Variants in PLCE1 observed in about 807,000 individuals in gnomAD.
The protein encoded by PLCE1 is phospholipase C epsilon 1.
PLCE1 carries 119 observed loss-of-function variants against 242.8 expected under a neutral mutation model. The ratio of observed to expected loss-of-function variants is 0.49; its 90% CI spans 0.42 to 0.57. The LOEUF is 0.57. Ranked by LOEUF, PLCE1 falls within the 20% of genes least tolerant of loss-of-function variation. The pLI is 0.00. For synonymous variants in PLCE1, 945 were observed against 1,017.4 expected, an observed-to-expected ratio of 0.93 and a Z score of 1.35; for missense variants, 2,441 against 2,788.8, an observed-to-expected ratio of 0.88 and a Z score of 2.81.
chr10:94,325,860 G>C (rs751597245), intron 32 of PLCE1, among the ~76,000 whole-genome samples: 8 of 152,084 alleles, frequency 5.3e-5, no homozygotes, highest in Admixed American at 4.6e-4. Flanking sequence ...TAGGTTTGAT[G>C]TAGCTTCAAC....
In PLCE1 at chr10:94,186,133, T is replaced by C. The variant is rs76809757; in HGVS notation, c.1809+14637T>C. On this transcript the variant is annotated intron_variant, in intron 4 of 32. Coordinates refer to ENST00000371380, the MANE Select transcript of PLCE1 (RefSeq NM_016341.4). The stretch of plus-strand genomic sequence containing the variant: ...TCCTTTGGTTTGGTTCTCTTGAGGC[T>C]GGACATTCCCCATATCTTCAGAACT... Among the ~76,000 whole-genome samples the C allele has an allele frequency of 4.2e-3, 635 of 152,372 alleles. 5 individuals carry two copies. The highest frequency in any genetic ancestry group is 0.013 in the African/African-American group (549 of 41,580).
intron 2 of PLCE1, among the ~76,000 whole-genome samples, chr10:94,113,926 A>G (rs958756091): frequency 6.6e-6 from 1 of 152,204 alleles, no homozygotes; most frequent in Non-Finnish European, 1.5e-5. Context: ...GTTGAAGATA[A>G]TTGAATCAAA....
At chr10:94,074,674 T>G (rs1247908543) in intron 2 of PLCE1, among the ~76,000 whole-genome samples, 1 of 152,246 alleles carries the variant, frequency 6.6e-6, no homozygotes, top group Non-Finnish European at 1.5e-5. Flanking sequence ...ATTACTCAAA[T>G]GCTTTACGAT....
At chr10:94,220,911 G>A (rs1210927412) in intron 4 of PLCE1, among the ~76,000 whole-genome samples, 1 of 152,130 alleles carries the variant, frequency 6.6e-6, no homozygotes, top group Non-Finnish European at 1.5e-5. Flanking sequence ...CTCCAGCGCC[G>A]GGCTCCGCCA....
In PLCE1 at chr10:94,298,588, C is replaced by T. The variant is rs1245949386; in HGVS notation, c.5377C>T (p.Arg1793Cys). The T allele has an allele frequency of 3.1e-6, 5 of 1,614,106 alleles. No individual in the cohort carries two copies. Among genetic ancestry groups the T allele is most frequent in the African/African-American group, 2.7e-5 (2 of 75,028 alleles). ...QLLRTYPAATRIDSSNPNPLM... is the reference protein window; with the variant it reads ...QLLRTYPAATCIDSSNPNPLM... Reference sequence around the variant, plus strand: ...GCTGAGAACTTACCCTGCTGCCACCCGCATCGACTCTTCCAACCCGAACCC... The same window carrying T: ...GCTGAGAACTTACCCTGCTGCCACCTGCATCGACTCTTCCAACCCGAACCC... The change falls in exon 24 of 33, where the codon CGC becomes TGC. Residue 1793 changes from arginine (R) to cysteine (C), a missense_variant. Physicochemically the swap from Arg to Cys is radical, Grantham distance 180. Around this residue, in one of 5 missense-constraint regions of PLCE1, gnomAD observed 1,004 missense variants for 1,322.7 expected, o/e 0.76. Transcript: ENST00000371380. This position sits in a 1 kb window ranked among gnomAD's most constrained non-coding sequence, Gnocchi z 5.2.
rs539757186 is a variant in PLCE1, at chr10:94,202,612, C to T, written c.1810-24694C>T. ...TTCCCCCATTATTACTCTCTAGAGG[C>T]GCGTTATCACGTTGTTTGCTCAGTT... On this transcript the variant is annotated intron_variant, in intron 4 of 32. Coordinates refer to ENST00000371380, the MANE Select transcript of PLCE1 (RefSeq NM_016341.4). 6.6e-5 allele frequency among the ~76,000 whole-genome samples: 10 copies of T among 152,266 alleles called. No individual in the cohort carries two copies. In the South Asian group the frequency reaches 1.2e-3, roughly 19 times the overall value.
Position 94,031,578 on chromosome 10 carries a change from GCA to G in PLCE1, c.536_537del (p.His179ProfsTer2), listed in dbSNP as rs1330446046. 1 of 1,612,458 alleles carries G rather than the reference GCA, an allele frequency of 6.2e-7. No individual in the cohort carries two copies. The highest frequency in any genetic ancestry group is 1.7e-5 in the Admixed American group (1 of 59,984). On this transcript the variant is annotated frameshift_variant, in exon 2 of 33. Coordinates refer to ENST00000371380, the MANE Select transcript of PLCE1 (RefSeq NM_016341.4). LOFTEE classifies it high-confidence loss of function. Reference sequence around the variant, plus strand: ...GTCAGTGATCATAGAGACAGGCAGAGCACACCCTGACAGCAGAAGGGCAGTAT... The same window carrying G: ...GTCAGTGATCATAGAGACAGGCAGAGCACCCTGACAGCAGAAGGGCAGTAT... ...NQSVIIETGR[A>X]HPDSRRAVFH...
At chr10:94,295,807 G>A (rs1367198334) in intron 23 of PLCE1, among the ~76,000 whole-genome samples, 1 of 152,184 alleles carries the variant, frequency 6.6e-6, no homozygotes, top group African/African-American at 2.4e-5. Context: ...AAATCATGCT[G>A]TAAACAGATG....
rs190539799 is a variant in PLCE1, at chr10:94,089,863, T to A, written c.1207-42311T>A. ...GTGATTATAATACTAGTAAGGAATA[T>A]CCTGAAGTAGTTATAGTTTTTTTTC... On this transcript the variant is annotated intron_variant, in intron 2 of 32. Coordinates refer to ENST00000371380, the MANE Select transcript of PLCE1 (RefSeq NM_016341.4). Among the ~76,000 whole-genome samples the A allele has an allele frequency of 8.5e-4, 129 of 152,352 alleles. 1 individual carries two copies. Among genetic ancestry groups the A allele is most frequent in the African/African-American group, 3.0e-3 (123 of 41,594 alleles).
chr10:94,309,629 G>A (rs908148803), intron 27 of PLCE1, among the ~76,000 whole-genome samples: 3 of 152,066 alleles, frequency 2.0e-5, no homozygotes, highest in African/African-American at 7.2e-5. Context: ...ATGAGCTACC[G>A]CACCTGGCCA....
intron 2 of PLCE1, among the ~76,000 whole-genome samples, chr10:94,076,128 C>A (rs866953115): frequency 6.8e-6 from 1 of 146,832 alleles, no homozygotes; most frequent in South Asian, 2.1e-4. Flanking sequence ...TGTGTGTGTG[C>A]GTGCGTGTGT....
intron 7 of PLCE1, among the ~76,000 whole-genome samples, chr10:94,240,697 A>G (rs148482877): frequency 2.0e-5 from 3 of 152,284 alleles, no homozygotes; most frequent in Non-Finnish European, 4.4e-5. Context: ...TGATCACCCA[A>G]TGTAAAATTT....
intron 3 of PLCE1, among the ~76,000 whole-genome samples, chr10:94,161,645 A>G (rs1002944523): frequency 3.3e-5 from 5 of 152,024 alleles, no homozygotes; most frequent in African/African-American, 1.2e-4. Flanking sequence ...AATACCCTTT[A>G]TTTCCTTCTC....
chr10:94,124,404 A>G (rs2046383856), intron 2 of PLCE1, among the ~76,000 whole-genome samples: 1 of 151,642 alleles, frequency 6.6e-6, no homozygotes. Context: ...AAAAAGAAAG[A>G]AAGAAAGAAA....
chr10:93,994,975 T>C (rs3814689), intron 1 of PLCE1, among the ~76,000 whole-genome samples: 31,783 of 152,256 alleles, frequency 0.21, 3,959 homozygotes, highest in Non-Finnish European at 0.27. Context: ...AAGGTCATAA[T>C]TTCAGTTGCA....
intron 1 of PLCE1, among the ~76,000 whole-genome samples, chr10:94,027,120 C>T (rs914641322): frequency 1.3e-5 from 2 of 152,154 alleles, no homozygotes; most frequent in Admixed American, 6.5e-5. Flanking sequence ...TCCACCCCAC[C>T]TGTTTATCTA....
chr10:94,069,532 G>A (rs192320072), intron 2 of PLCE1, among the ~76,000 whole-genome samples: 40 of 152,276 alleles, frequency 2.6e-4, no homozygotes, highest in African/African-American at 9.1e-4. Context: ...AGAATCACTT[G>A]AACTTGGGAG....
At chr10:94,231,145 T>G (rs1428030657) in intron 5 of PLCE1, among the ~76,000 whole-genome samples, 1 of 152,220 alleles carries the variant, frequency 6.6e-6, no homozygotes, top group African/African-American at 2.4e-5. Flanking sequence ...TTTATAATCA[T>G]AAAGATGAAT....
intron 28 of PLCE1, chr10:94,315,199 G>A: frequency 3.0e-6 from 1 of 333,114 alleles, no homozygotes; most frequent in Non-Finnish European, 5.9e-6. Flanking sequence ...ACCAAGGGCT[G>A]GGGTGGAGAG....
Sources: gnomAD v4.1 joint callset for allele counts (sites outside exome capture counted in the v4.1 genomes callset) on GRCh38, gnomAD v4.1.1 for gene constraint, gnomAD v4.1.1 regional missense constraint, Gnocchi (gnomAD v3.1) non-coding constraint, MANE v1.5 for transcripts, NCBI Gene and HGNC (gene_info 2026-07-23, HGNC 2026-07-21) for gene names.